The following GRAMD1B variants were observed in gnomAD, a reference collection of about 807,000 sequenced individuals.
The protein encoded by GRAMD1B is protein Aster-B.
A neutral mutation model predicts 99.7 loss-of-function variants in GRAMD1B; 37 were observed. The observed-to-expected ratio is 0.37, with a 90% CI of 0.29 to 0.49. The LOEUF is 0.49. Among genes scored for constraint, GRAMD1B ranks in the 20% least tolerant of loss-of-function variants. GRAMD1B has a pLI of 0.98. For missense variants in GRAMD1B, 888 were observed against 1,009.2 expected (o/e 0.88, Z 1.63); for synonymous variants, 427 against 387.6 (o/e 1.10, Z -1.19).
At chr11:123,605,784 A>T (rs1433787559) in intron 10 of GRAMD1B, among the ~76,000 whole-genome samples, 1 of 152,214 alleles carries the variant, frequency 6.6e-6, no homozygotes, top group African/African-American at 2.4e-5. Context: ...GAACAATTCC[A>T]GGTATTTTTT....
At chr11:123,529,586 G>A (rs1423822847) in intron 2 of GRAMD1B, among the ~76,000 whole-genome samples, 1 of 152,200 alleles carries the variant, frequency 6.6e-6, no homozygotes, top group Non-Finnish European at 1.5e-5. Context: ...TGAGAGAGGA[G>A]GTGGCATTGA....
chr11:123,379,752 G>T (rs189505352), intron 1 of GRAMD1B, among the ~76,000 whole-genome samples: 13 of 152,246 alleles, frequency 8.5e-5, no homozygotes, highest in Non-Finnish European at 1.6e-4. Flanking sequence ...TTGAGTGACC[G>T]CCAGACTATT....
chr11:123,544,824 G>T (rs1028775216), intron 2 of GRAMD1B, among the ~76,000 whole-genome samples: 4 of 152,256 alleles, frequency 2.6e-5, no homozygotes, highest in Non-Finnish European at 5.9e-5. Context: ...TGGCATTTCT[G>T]ACCTTTGTGT....
chr11:123,483,731 AG>A, intron 2 of GRAMD1B, among the ~76,000 whole-genome samples: 1 of 152,218 alleles, frequency 6.6e-6, no homozygotes, highest in Middle Eastern at 3.4e-3. Flanking sequence ...ACCGCAGATA[AG>A]GGGGGACTGC....
intron 2 of GRAMD1B, among the ~76,000 whole-genome samples, chr11:123,564,425 C>T (rs761420617): frequency 3.3e-5 from 5 of 152,202 alleles, no homozygotes; most frequent in East Asian, 1.9e-4. Context: ...ATAATAAAAG[C>T]GGAAGCTCAG....
upstream of GRAMD1B, among the ~76,000 whole-genome samples, chr11:123,425,960 C>G (rs2134133445): frequency 6.6e-6 from 1 of 152,260 alleles, no homozygotes; most frequent in African/African-American, 2.4e-5. Context: ...CTGTCTTCAT[C>G]CCCGAACCCT....
At chr11:123,420,647 C>G (rs1948400046) in intron 1 of GRAMD1B, among the ~76,000 whole-genome samples, 1 of 152,154 alleles carries the variant, frequency 6.6e-6, no homozygotes, top group Non-Finnish European at 1.5e-5. Context: ...ATTAATTAAT[C>G]TCCCAAATTG....
intron 2 of GRAMD1B, among the ~76,000 whole-genome samples, chr11:123,486,923 G>A (rs1057191498): frequency 2.6e-5 from 4 of 152,244 alleles, no homozygotes; most frequent in Middle Eastern, 6.8e-3. Flanking sequence ...ACAAAGATTA[G>A]CTGGGTGTGG....
chr11:123,584,400 A>AAGGGTGT, intron 4 of GRAMD1B, 68 bp downstream of exon 4: 1 of 576,780 alleles, frequency 1.7e-6, no homozygotes, highest in South Asian at 2.3e-5. Flanking sequence ...GGTTGGGGGA[A>AAGGGTGT]GGGGTGTGGG....
At chr11:123,506,834 A>AGCCTCCTGCCCAGCCCCACTGTTCCCT (rs1234571509) in intron 2 of GRAMD1B, among the ~76,000 whole-genome samples, 1 of 151,830 alleles carries the variant, frequency 6.6e-6, no homozygotes, top group East Asian at 1.9e-4. Context: ...CTCTCATTAA[A>AGCCTCCTGCCCAGCCCCACTGTTCCCT]GCCTCCTGCC....
intron 2 of GRAMD1B, among the ~76,000 whole-genome samples, chr11:123,497,965 C>T (rs923621693): frequency 3.9e-5 from 6 of 152,154 alleles, no homozygotes; most frequent in Admixed American, 2.6e-4. Flanking sequence ...AAAGTTCTTC[C>T]CACTCTTCCC....
At chr11:123,588,882 G>T (rs1376165863) in intron 4 of GRAMD1B, among the ~76,000 whole-genome samples, 2 of 152,024 alleles carry the variant, frequency 1.3e-5, no homozygotes, top group African/African-American at 4.8e-5. Context: ...TTGGATTTCT[G>T]ATTTTTTTGG....
At chr11:123,504,785 G>A (rs1487004902) in intron 2 of GRAMD1B, among the ~76,000 whole-genome samples, 1 of 152,106 alleles carries the variant, frequency 6.6e-6, no homozygotes, top group Non-Finnish European at 1.5e-5. Flanking sequence ...AGGTTCAAGC[G>A]ATTCTCATAC....
chr11:123,404,497 T>C (rs141660620), intron 1 of GRAMD1B, among the ~76,000 whole-genome samples: 1 of 152,320 alleles, frequency 6.6e-6, no homozygotes, highest in African/African-American at 2.4e-5. Context: ...ACTGATCAAT[T>C]GTTGTTTTTA....
intron 2 of GRAMD1B, 117 bp downstream of exon 2, chr11:123,481,010 T>C (rs1951569286): frequency 1.3e-5 from 5 of 396,340 alleles, no homozygotes; most frequent in Non-Finnish European, 1.8e-5. Flanking sequence ...TGAAGAGGAA[T>C]GGGAGCGCCT....
At chr11:123,359,685 AG>A (rs1178543139) in intron 1 of GRAMD1B, among the ~76,000 whole-genome samples, 1 of 152,180 alleles carries the variant, frequency 6.6e-6, no homozygotes, top group Non-Finnish European at 1.5e-5. Context: ...GAAGAGGGGT[AG>A]GGTGGGAGGA....
chr11:123,543,291 A>G (rs1158090919), intron 2 of GRAMD1B, among the ~76,000 whole-genome samples: 4 of 152,160 alleles, frequency 2.6e-5, no homozygotes, highest in Admixed American at 2.6e-4. Context: ...GCACTCCCCT[A>G]TTTAACTGGA....
intron 1 of GRAMD1B, among the ~76,000 whole-genome samples, chr11:123,463,389 C>T (rs1034071031): frequency 6.6e-6 from 1 of 152,170 alleles, no homozygotes; most frequent in Non-Finnish European, 1.5e-5. Context: ...AAGTTGGAAG[C>T]ATATACATGG....
At chr11:123,462,067 C>T (rs1029197810) in intron 1 of GRAMD1B, among the ~76,000 whole-genome samples, 25 of 149,464 alleles carry the variant, frequency 1.7e-4, no homozygotes, top group Admixed American at 5.4e-4. Context: ...CCTGGGTTCA[C>T]GCCATTCTCC....
Sources: gnomAD v4.1 joint callset for allele counts (sites outside exome capture counted in the v4.1 genomes callset) on GRCh38, gnomAD v4.1.1 for gene constraint, MANE v1.5 for transcripts, NCBI Gene and HGNC (gene_info 2026-07-23, HGNC 2026-07-21) for gene names.